NOL8: variants seen among roughly 807,000 people sequenced by gnomAD.
NOL8 encodes the protein nucleolar protein 8.
A neutral mutation model predicts 116.1 loss-of-function variants in NOL8; 93 were observed. That is an observed-to-expected ratio of 0.80 (90% confidence interval 0.68 to 0.95). NOL8 has a LOEUF of 0.95. Among genes scored for constraint, NOL8 ranks in the 40% least tolerant of loss-of-function variants. The pLI, the probability that NOL8 is intolerant of heterozygous loss-of-function variation, is 0.00. For missense variants in NOL8, 1,291 were observed against 1,382.8 expected (o/e 0.93, Z 1.05); for synonymous variants, 419 against 469.0 (o/e 0.89, Z 1.38).
At chr9:92,318,784 A>G in intron 5 of NOL8, 98 bp from the exon 6 acceptor site, 1 of 729,810 alleles carries the variant, frequency 1.4e-6, no homozygotes, top group Non-Finnish European at 2.2e-6. Flanking sequence ...TCAGTGGGCT[A>G]TGATTACTGT....
chr9:92,310,285 A>G, intron 9 of NOL8, 24 bp from the exon 10 acceptor site: 2 of 1,577,982 alleles, frequency 1.3e-6, no homozygotes, highest in East Asian at 2.3e-5. Context: ...AAACATACAT[A>G]ATTGATAGCC....
intron 10 of NOL8, among the ~76,000 whole-genome samples, chr9:92,309,314 G>A (rs1451595692): frequency 6.6e-6 from 1 of 152,206 alleles, no homozygotes; most frequent in Non-Finnish European, 1.5e-5. Flanking sequence ...CTGAAAGAGA[G>A]ATGGAGTACA....
At position 92,318,705 on chromosome 9, in the gene NOL8, A is replaced by T. The variant is rs764528529; in HGVS notation, c.418-19T>A. 6.7e-7 allele frequency: 1 copy of T among 1,503,484 alleles called. No individual in the cohort carries two copies. Among genetic ancestry groups the T allele is most frequent in the Non-Finnish European group, 9.0e-7 (1 of 1,107,024 alleles). The allele number at this position is 1,503,484 out of a possible 1,614,324, so 93.1% of individuals were successfully genotyped here. The stretch of plus-strand genomic sequence containing the variant: ...CCCAATTCTAAAAGAAAAAAAAAGA[A>T]TTTATTTACTATATGTGACACAAAT... On this transcript the variant is annotated intron_variant, in intron 5 of 16. Coordinates refer to ENST00000442668, the MANE Select transcript of NOL8 (RefSeq NM_017948.6).
intron 8 of NOL8, chr9:92,310,940 T>C: frequency 5.2e-6 from 3 of 578,388 alleles, no homozygotes; most frequent in Non-Finnish European, 9.1e-6. Flanking sequence ...TTCACTAATA[T>C]TGATGTCATG....
chr9:92,298,028 T>C (rs1330797594), intron 16 of NOL8, 142 bp from the exon 17 acceptor site: 57 of 733,948 alleles, frequency 7.8e-5, no homozygotes, highest in Non-Finnish European at 5.7e-5. Flanking sequence ...AGAGGGGATA[T>C]TGGCATTTTT....
In NOL8 at chr9:92,310,256, C is replaced by T; in HGVS notation, c.2601G>A (p.Met867Ile). Residue 867 changes from methionine to isoleucine, a missense_variant, in exon 10 of 17, where the codon ATG (methionine) becomes ATA (isoleucine). By Grantham distance (10) the Met-to-Ile change is conservative. Coordinates refer to ENST00000442668, the MANE Select transcript of NOL8 (RefSeq NM_017948.6). ...CGGTGCCAAAGTGCGACTGTAAATC[C>T]ATGAGCTACACAGACAGAAAACATA... ...QFEGRAGQKL[M>I]DLQSHFGTDD... The T allele has an allele frequency of 6.2e-7, 1 of 1,605,378 alleles. No individual in the cohort carries two copies. Among genetic ancestry groups the T allele is most frequent in the Non-Finnish European group, 8.5e-7 (1 of 1,175,818 alleles).
intron 4 of NOL8, chr9:92,320,200 A>G (rs1839807825): frequency 2.2e-6 from 1 of 455,924 alleles, no homozygotes; most frequent in African/African-American, 2.0e-5. Flanking sequence ...GGCCTGGACA[A>G]CTGCACAGAG....
chr9:92,316,296 G>T (rs572300265), intron 6 of NOL8, 158 bp from the exon 7 acceptor site: 342 of 775,198 alleles, frequency 4.4e-4, no homozygotes, highest in Non-Finnish European at 6.4e-4. Context: ...ACCTTTCAGG[G>T]TCTAAGAAAC....
At chr9:92,311,899 C>T (rs1564221434) in intron 7 of NOL8, among the ~76,000 whole-genome samples, 1 of 152,152 alleles carries the variant, frequency 6.6e-6, no homozygotes, top group Admixed American at 6.5e-5. Flanking sequence ...CACATGCACA[C>T]ATATGTTTAT....
intron 7 of NOL8, among the ~76,000 whole-genome samples, chr9:92,312,608 C>A (rs951295902): frequency 6.6e-6 from 1 of 151,572 alleles, no homozygotes. Context: ...AGGCGGATCA[C>A]GTGAGGTCAG....
intron 13 of NOL8, chr9:92,300,295 CTATA>C: frequency 9.9e-7 from 1 of 1,005,470 alleles, no homozygotes; most frequent in South Asian, 4.4e-5. Flanking sequence ...TATAAATGAG[CTATA>C]TAATTTTTAA....
Position 92,310,693 on chromosome 9 carries a change from A to G in NOL8, c.2473-18T>C, listed in dbSNP as rs1271316888. The G allele has an allele frequency of 6.3e-7, 1 of 1,587,326 alleles. No individual in the cohort carries two copies. Reference sequence around the variant, plus strand: ...ATAGACTCCTGTGAAGAAACACAACATTTATTAATAGCAGAGGCAAACAAG... The same window carrying G: ...ATAGACTCCTGTGAAGAAACACAACGTTTATTAATAGCAGAGGCAAACAAG... On this transcript the variant is annotated intron_variant, in intron 8 of 16. Coordinates refer to ENST00000442668, the MANE Select transcript of NOL8 (RefSeq NM_017948.6).
chr9:92,307,719 A>G (rs550320205), intron 10 of NOL8, among the ~76,000 whole-genome samples: 1 of 152,354 alleles, frequency 6.6e-6, no homozygotes, highest in South Asian at 2.1e-4. Flanking sequence ...TGCTAATTTA[A>G]GTACTCTACA....
Position 92,310,268 on chromosome 9 carries a change from A to C in NOL8, c.2596-7T>G. The stretch of plus-strand genomic sequence containing the variant: ...GCGACTGTAAATCCATGAGCTACAC[A>C]GACAGAAAACATACATAATTGATAG... On this transcript the variant is annotated splice_region_variant and splice_polypyrimidine_tract_variant and intron_variant, in intron 9 of 16. Transcript: ENST00000442668. 6.3e-7 allele frequency: 1 copy of C among 1,599,784 alleles called. No homozygotes were observed. The highest frequency in any genetic ancestry group is 1.3e-5 in the African/African-American group (1 of 74,764).
rs974530688 is a variant in NOL8 at position 92,315,404 on chromosome 9, C to T, written c.1221G>A (p.Thr407=). Residue 407 remains threonine, a synonymous_variant, in exon 7 of 17, where the codon ACG becomes ACA. Coordinates refer to ENST00000442668, the MANE Select transcript of NOL8 (RefSeq NM_017948.6). The part of the protein sequence containing the change: ...STEFSQMEKS[T]KKTSFKNREN... ...CTCTATTTTTGAAAGAAGTTTTCTT[C>T]GTAGATTTTTCCATTTGTGAAAATT... is the stretch of plus-strand genomic sequence containing the variant. The T allele has an allele frequency of 8.2e-6, 13 of 1,591,718 alleles. No individual in the cohort carries two copies. Among genetic ancestry groups the T allele is most frequent in the East Asian group, 2.2e-5 (1 of 44,592 alleles).
chr9:92,314,186 G>C, intron 7 of NOL8, 81 bp downstream of exon 7: 2 of 1,470,610 alleles, frequency 1.4e-6, no homozygotes, highest in Non-Finnish European at 1.8e-6. Context: ...TCAGCTCTAT[G>C]GGGGCACACC....
Position 92,298,161 on chromosome 9 carries a change from C to T in NOL8, c.3453+96G>A, listed in dbSNP as rs1837406071. 7.6e-6 allele frequency: 7 copies of T among 920,788 alleles called. No homozygotes were observed. The South Asian group carries it at 1.2e-4, about 15-fold the overall frequency. 57.0% of individuals were successfully genotyped at this position (920,788 alleles called of 1,614,324 possible). The stretch of plus-strand genomic sequence containing the variant: ...CTCAATTGAGCCAGTCTGCAGTCTC[C>T]TCACCTATACCATTCATGAGTTCCC... On this transcript the variant is annotated intron_variant, in intron 16 of 16. Coordinates refer to ENST00000442668, the MANE Select transcript of NOL8 (RefSeq NM_017948.6).
Position 92,301,782 on chromosome 9 carries a change from G to A in NOL8, c.2944C>T (p.Leu982=). Residue 982 remains leucine, a synonymous_variant, in exon 13 of 17, where the codon CTA becomes TTA. Coordinates refer to ENST00000442668, the MANE Select transcript of NOL8 (RefSeq NM_017948.6). ...TACATTTCTTTAGACACCTCAGGTA[G>A]TTTCTCAGCTTCCTCCCTTTTCTTT... ...RKKKREEAEK[L]PEVSKEMYYN... 1 of 1,599,946 alleles carries A rather than the reference G, an allele frequency of 6.3e-7. No individual in the cohort carries two copies. The highest frequency in any genetic ancestry group is 1.7e-5 in the Admixed American group (1 of 57,674).
intron 13 of NOL8, chr9:92,300,738 A>C: frequency 8.4e-7 from 1 of 1,188,172 alleles, no homozygotes; most frequent in African/African-American, 1.6e-5. Flanking sequence ...TTAAAGTACC[A>C]CGGAGTTGGT....
Sources: gnomAD v4.1 joint callset for allele counts (sites outside exome capture counted in the v4.1 genomes callset) on GRCh38, gnomAD v4.1.1 for gene constraint, MANE v1.5 for transcripts, NCBI Gene and HGNC (gene_info 2026-07-23, HGNC 2026-07-21) for gene names.